ZNF536: variants seen among roughly 807,000 people sequenced by gnomAD.
ZNF536 encodes the protein zinc finger protein 536.
A neutral mutation model predicts 84.5 loss-of-function variants in ZNF536; 13 were observed. The observed-to-expected ratio is 0.15, with a 90% CI of 0.10 to 0.24. ZNF536 has a LOEUF of 0.24. Ranked by LOEUF, ZNF536 falls within the 10% of genes least tolerant of loss-of-function variation. The probability of loss-of-function intolerance (pLI) is 1.00; values close to 1 mark genes in which losing one functional copy is unlikely to be tolerated. For synonymous variants in ZNF536, 811 were observed against 742.5 expected, an observed-to-expected ratio of 1.09 and a Z score of -1.50; for missense variants, 1,536 against 1,747.5, an observed-to-expected ratio of 0.88 and a Z score of 2.16.
intron 1 of ZNF536, among the ~76,000 whole-genome samples, chr19:30,567,004 C>A (rs2046375361): frequency 6.6e-6 from 1 of 151,434 alleles, no homozygotes; most frequent in Non-Finnish European, 1.5e-5. Context: ...TAGTGGCGGT[C>A]CCCGCGTGTG....
intron 1 of ZNF536, among the ~76,000 whole-genome samples, chr19:30,405,363 G>A (rs1160993708): frequency 1.3e-5 from 2 of 152,172 alleles, no homozygotes; most frequent in Non-Finnish European, 2.9e-5. Context: ...CAGGGACCAT[G>A]GGAGTTATGA....
At chr19:30,348,279 A>G (rs1468267172) in intron 2 of ZNF536, among the ~76,000 whole-genome samples, 1 of 152,172 alleles carries the variant, frequency 6.6e-6, no homozygotes, top group East Asian at 1.9e-4. Context: ...TAATGGTTTA[A>G]CTGCACCCAG....
Position 30,297,711 on chromosome 19 carries a change from C to A in ZNF536, c.-120+13570C>A, listed in dbSNP as rs111486652. ...GCCAGGAGCTGGGGGTGGAAATTCT[C>A]CCACAGGTAGCCCTTTCTCAAGACT... On this transcript the variant is annotated intron_variant, in intron 2 of 5. Coordinates refer to the ZNF536 transcript ENST00000585628. Among the ~76,000 whole-genome samples, 518 of 152,248 alleles carry A rather than the reference C, an allele frequency of 3.4e-3. 1 individual carries two copies. Among genetic ancestry groups the A allele is most frequent in the African/African-American group, 0.012 (487 of 41,548 alleles).
At chr19:30,595,116 G>A (rs943038877) in intron 1 of ZNF536, among the ~76,000 whole-genome samples, 27 of 152,102 alleles carry the variant, frequency 1.8e-4, no homozygotes, top group Admixed American at 1.8e-3. Flanking sequence ...ATGAAGTTGG[G>A]CCAGCCAGGC....
At chr19:30,342,131 C>A (rs531409103) in intron 2 of ZNF536, among the ~76,000 whole-genome samples, 21 of 152,246 alleles carry the variant, frequency 1.4e-4, no homozygotes, top group Admixed American at 1.2e-3. Flanking sequence ...ATCTGTTATA[C>A]CTGCAATTGA....
chr19:30,430,773 C>T (rs1296889473), intron 1 of ZNF536, among the ~76,000 whole-genome samples: 1 of 152,200 alleles, frequency 6.6e-6, no homozygotes, highest in African/African-American at 2.4e-5. Context: ...CTCCCCAGTT[C>T]AAGCGATTCT....
chr19:30,471,598 G>T (rs1195724387), intron 2 of ZNF536, among the ~76,000 whole-genome samples: 1 of 152,212 alleles, frequency 6.6e-6, no homozygotes, highest in South Asian at 2.1e-4. Context: ...CTTGATCCCT[G>T]GACAGTTGGA....
At position 30,374,976 on chromosome 19, in the gene ZNF536, C is replaced by A. The variant is rs867899753; in HGVS notation, c.-3+2420C>A. On this transcript the variant is annotated intron_variant, in intron 1 of 4. Transcript: ENST00000355537. ...TCATTGTTGTTGGTTCCAGGAGGAGCGAAGCGCCTGGAGATCGGGCGCGCG... is the reference window on the plus strand; with the variant it reads ...TCATTGTTGTTGGTTCCAGGAGGAGAGAAGCGCCTGGAGATCGGGCGCGCG... Among the ~76,000 whole-genome samples, 241 of 151,954 alleles carry A rather than the reference C, an allele frequency of 1.6e-3. 2 individuals are homozygous for A. Among genetic ancestry groups the A allele is most frequent in the East Asian group, 3.9e-3 (20 of 5,150 alleles).
At chr19:30,612,480 G>A (rs2048137165) in intron 1 of ZNF536, among the ~76,000 whole-genome samples, 1 of 152,158 alleles carries the variant, frequency 6.6e-6, no homozygotes, top group South Asian at 2.1e-4. Context: ...GAGATACCAT[G>A]GAGAGAGGAA....
intron 3 of ZNF536, among the ~76,000 whole-genome samples, chr19:30,358,622 C>T (rs1056746587): frequency 6.6e-6 from 1 of 152,320 alleles, no homozygotes; most frequent in African/African-American, 2.4e-5. Flanking sequence ...GACAAATCCA[C>T]ATTTCTTTCT....
chr19:30,434,143 C>A (rs552906065), intron 1 of ZNF536, among the ~76,000 whole-genome samples: 3 of 152,320 alleles, frequency 2.0e-5, no homozygotes, highest in African/African-American at 7.2e-5. Flanking sequence ...ATTCTCTTTC[C>A]ATTACTCCAG....
chr19:30,404,135 G>A (rs192814002), intron 1 of ZNF536, among the ~76,000 whole-genome samples: 1 of 148,274 alleles, frequency 6.7e-6, no homozygotes, highest in Admixed American at 6.8e-5. Context: ...GTAGGTAGAA[G>A]AACTGTAGCG....
chr19:30,463,103 G>C (rs1568456908), intron 2 of ZNF536, among the ~76,000 whole-genome samples: 1 of 151,696 alleles, frequency 6.6e-6, no homozygotes, highest in African/African-American at 2.4e-5. Flanking sequence ...GTGTGTGTTG[G>C]GATGCGTGTA....
At chr19:30,298,776 T>C (rs1238546415) in intron 2 of ZNF536, among the ~76,000 whole-genome samples, 1 of 152,208 alleles carries the variant, frequency 6.6e-6, no homozygotes, top group Non-Finnish European at 1.5e-5. Context: ...CCTGGAATTA[T>C]AGTAACACTA....
intron 1 of ZNF536, among the ~76,000 whole-genome samples, chr19:30,281,198 T>C (rs1362920124): frequency 6.6e-6 from 1 of 152,144 alleles, no homozygotes; most frequent in Non-Finnish European, 1.5e-5. Context: ...TGGAAGTACC[T>C]CTGGCTCTAG....
chr19:30,673,615 C>T (rs2050643979), intron 1 of ZNF536, among the ~76,000 whole-genome samples: 1 of 152,196 alleles, frequency 6.6e-6, no homozygotes, highest in Non-Finnish European at 1.5e-5. Flanking sequence ...CAGCCACAGC[C>T]ACCCTTTTCT....
chr19:30,339,328 C>A (rs935723283), intron 2 of ZNF536, among the ~76,000 whole-genome samples: 1 of 152,158 alleles, frequency 6.6e-6, no homozygotes, highest in African/African-American at 2.4e-5. Flanking sequence ...TAAGTTGGGT[C>A]CTTGAAGCCC....
intron 2 of ZNF536, among the ~76,000 whole-genome samples, chr19:30,329,783 C>T (rs917503863): frequency 2.6e-5 from 4 of 152,086 alleles, no homozygotes; most frequent in East Asian, 1.9e-4. Context: ...AGATTTATTA[C>T]TCTGACAGGA....
intron 2 of ZNF536, among the ~76,000 whole-genome samples, chr19:30,325,972 T>A (rs1382051554): frequency 6.6e-6 from 1 of 152,198 alleles, no homozygotes; most frequent in Admixed American, 6.5e-5. Flanking sequence ...ACATACCTTG[T>A]CTCCTCTCTG....
Sources: allele counts gnomAD v4.1 joint callset (sites outside exome capture counted in the v4.1 genomes callset), GRCh38; gene constraint gnomAD v4.1.1; transcripts MANE v1.5; gene names NCBI Gene and HGNC (gene_info 2026-07-23, HGNC 2026-07-21).